SRPRA: variants seen among roughly 807,000 people sequenced by gnomAD.
The protein encoded by SRPRA is SRP receptor subunit alpha, also known as signal recognition particle receptor subunit alpha.
A neutral mutation model predicts 61.1 loss-of-function variants in SRPRA; 30 were observed. The ratio of observed to expected loss-of-function variants is 0.49; its 90% CI spans 0.37 to 0.67. The LOEUF is 0.67. Among genes scored for constraint, SRPRA ranks in the 30% least tolerant of loss-of-function variants. The pLI, the probability that SRPRA is intolerant of heterozygous loss-of-function variation, is 0.00. For synonymous variants in SRPRA, 324 were observed against 299.7 expected, an observed-to-expected ratio of 1.08 and a Z score of -0.84; for missense variants, 759 against 828.4, an observed-to-expected ratio of 0.92 and a Z score of 1.03.
chr11:126,264,450 T>C lies in SRPRA; in HGVS notation c.1615A>G (p.Ile539Val). 1.9e-6 allele frequency: 3 copies of C among 1,614,198 alleles called. No homozygotes were observed. Among genetic ancestry groups the C allele is most frequent in the Non-Finnish European group, 2.5e-6 (3 of 1,180,038 alleles). Residue 539 changes from isoleucine to valine, a missense_variant, in exon 12 of 14, where the codon ATT becomes GTT. By Grantham distance (29) the Ile-to-Val change is conservative. Coordinates refer to ENST00000332118, the MANE Select transcript of SRPRA (RefSeq NM_003139.4). This position sits in a 1 kb window ranked among gnomAD's most constrained non-coding sequence, Gnocchi z 5.0. ...APLMTALAKL[I>V]TVNTPDLVLF... ...ACCAAATCAGGTGTATTGACAGTAATGAGTTTGGCCAGGGCAGTCATCAGA... is the reference window on the plus strand; with the variant it reads ...ACCAAATCAGGTGTATTGACAGTAACGAGTTTGGCCAGGGCAGTCATCAGA...
chr11:126,247,203 G>C, the SRPRA span, among the ~76,000 whole-genome samples: 1 of 152,098 alleles, frequency 6.6e-6, no homozygotes, highest in African/African-American at 2.4e-5. Context: ...GAGGCAGGAA[G>C]ATTGCTTGAG....
chr11:126,263,565 G>C lies in SRPRA; in HGVS notation c.*351C>G, dbSNP rs1950746706. ...ATGCAGCTGGGACTCATTAGGCTCAGACGGCTCTTGACCACACTAATTATT... is the reference window on the plus strand; with the variant it reads ...ATGCAGCTGGGACTCATTAGGCTCACACGGCTCTTGACCACACTAATTATT... On this transcript the variant is annotated 3_prime_UTR_variant, in exon 14 of 14. Transcript: ENST00000332118. The C allele has an allele frequency of 9.4e-6, 2 of 213,478 alleles. No individual in the cohort carries two copies. The highest frequency in any genetic ancestry group is 1.9e-5 in the Non-Finnish European group (2 of 104,704). 13.2% of individuals were successfully genotyped at this position (213,478 alleles called of 1,614,324 possible).
chr11:126,254,872 C>T, the SRPRA span, among the ~76,000 whole-genome samples: 1 of 152,262 alleles, frequency 6.6e-6, no homozygotes, highest in Admixed American at 6.5e-5. Context: ...TCCTGTGCTT[C>T]TTAACTTATG....
chr11:126,242,077 C>T, the SRPRA span, among the ~76,000 whole-genome samples: 1 of 149,588 alleles, frequency 6.7e-6, no homozygotes, highest in Non-Finnish European at 1.5e-5. Context: ...TTCATGGAAT[C>T]TCCATACACT....
the SRPRA span, among the ~76,000 whole-genome samples, chr11:126,237,007 C>T: frequency 6.7e-6 from 1 of 149,822 alleles, no homozygotes; most frequent in Non-Finnish European, 1.5e-5. Flanking sequence ...AGCTCTGCCT[C>T]CCGGGTTCAC....
chr11:126,241,121 C>G, the SRPRA span: 6 of 1,412,866 alleles, frequency 4.2e-6, no homozygotes, highest in African/African-American at 2.9e-5. Flanking sequence ...ATTTGGCTGT[C>G]AAAACTAGCA....
rs1039927894 is a variant in SRPRA at position 126,265,327 on chromosome 11, G to A, written c.1252C>T (p.Pro418Ser). ...DIMDAQRRQR[P>S]YVVTFCGVNG... ...ACGCCGCAGAAGGTGACGACATAAG[G>A]GCGCTGGCGACGCTGGGCATCCATG... Residue 418 changes from proline (P) to serine (S), a missense_variant, in exon 10 of 14, where the codon CCT becomes TCT. Pro to Ser is a moderately conservative substitution (Grantham distance 74, BLOSUM62 -1). Around this residue, in one of 2 missense-constraint regions of SRPRA, gnomAD observed 284 missense variants for 365.9 expected, o/e 0.78. Coordinates refer to ENST00000332118, the MANE Select transcript of SRPRA (RefSeq NM_003139.4). The surrounding 1 kb of genome is among the most constrained non-coding windows in gnomAD (Gnocchi z 6.3). 1.2e-6 allele frequency: 2 copies of A among 1,613,790 alleles called. No individual in the cohort carries two copies. The highest frequency in any genetic ancestry group is 1.7e-6 in the Non-Finnish European group (2 of 1,179,930).
At chr11:126,237,643 T>C in the SRPRA span, among the ~76,000 whole-genome samples, 1 of 131,322 alleles carries the variant, frequency 7.6e-6, no homozygotes, top group East Asian at 2.3e-4. Flanking sequence ...GAGACCATCC[T>C]GGGTACCTGG....
rs1950835330 is a variant in SRPRA at position 126,267,440 on chromosome 11, G to A, written c.366-105C>T. 3.2e-6 allele frequency: 5 copies of A among 1,582,836 alleles called. No individual in the cohort carries two copies. In the Admixed American group the frequency reaches 7.1e-5, roughly 22 times the overall value. On this transcript the variant is annotated intron_variant, in intron 3 of 13. Transcript: ENST00000332118. This position sits in a 1 kb window ranked among gnomAD's most constrained non-coding sequence, Gnocchi z 4.2. The stretch of plus-strand genomic sequence containing the variant: ...CCAAGAGGACAATGAGAACTGGGTA[G>A]CAAATTAGGAATGTCTTTGAACACA...
the SRPRA span, among the ~76,000 whole-genome samples, chr11:126,235,946 C>CT: frequency 2.0e-5 from 3 of 151,384 alleles, no homozygotes; most frequent in African/African-American, 4.9e-5. Flanking sequence ...TAAAGACTGT[C>CT]TTTTTTGTTT....
Position 126,266,070 on chromosome 11 carries a change from C to T in SRPRA, c.944G>A (p.Gly315Glu). 6.2e-7 allele frequency: 1 copy of T among 1,614,164 alleles called. No homozygotes were observed. Among genetic ancestry groups the T allele is most frequent in the East Asian group, 2.2e-5 (1 of 44,884 alleles). Reference protein sequence around the residue: ...QNSTKPSATKGTLGGMFGMLK... With the variant: ...QNSTKPSATKETLGGMFGMLK... ...CATACCAAACATGCCACCCAGTGTT[C>T]CCTTGGTCGCACTGCAGGGACAGGA... The change falls in exon 8 of 14, where the codon GGA becomes GAA. Residue 315 changes from glycine to glutamate, a missense_variant. By Grantham distance (98) the Gly-to-Glu change is moderately conservative. This residue lies in a region of SRPRA where 475 missense variants were observed against 462.5 expected (regional missense o/e 1.03). Transcript: ENST00000332118.
chr11:126,239,272 G>A, the SRPRA span, among the ~76,000 whole-genome samples: 1 of 152,066 alleles, frequency 6.6e-6, no homozygotes, highest in Non-Finnish European at 1.5e-5. Flanking sequence ...CAAATTGGAA[G>A]TCTTAATTAG....
chr11:126,252,287 C>T, the SRPRA span, among the ~76,000 whole-genome samples: 20 of 152,240 alleles, frequency 1.3e-4, no homozygotes, highest in Middle Eastern at 3.4e-3. This position sits in a 1 kb window ranked among gnomAD's most constrained non-coding sequence, Gnocchi z 4.7. Flanking sequence ...ACACCCAGCA[C>T]AGTTTTTATC....
In SRPRA at chr11:126,265,983, T is replaced by C; in HGVS notation, c.1031A>G (p.Lys344Arg). 1.2e-6 allele frequency: 2 copies of C among 1,614,218 alleles called. No homozygotes were observed. Among genetic ancestry groups the C allele is most frequent in the Non-Finnish European group, 1.7e-6 (2 of 1,180,038 alleles). ...CTTACCAATGAGATGATCACGCATC[T>C]TGTCCAGCACAGATTCCATGTCTTC... ...SREDMESVLD[K>R]MRDHLIAKNV... Residue 344 changes from lysine (K) to arginine (R), a missense_variant, in exon 8 of 14, where the codon AAG becomes AGG. Around this residue, in one of 2 missense-constraint regions of SRPRA, gnomAD observed 475 missense variants for 462.5 expected, o/e 1.03. Coordinates refer to ENST00000332118, the MANE Select transcript of SRPRA (RefSeq NM_003139.4). This position sits in a 1 kb window ranked among gnomAD's most constrained non-coding sequence, Gnocchi z 6.3.
chr11:126,264,936 C>A lies in SRPRA; in HGVS notation c.1525+23G>T, dbSNP rs939542132. 6.2e-7 allele frequency: 1 copy of A among 1,602,684 alleles called. No homozygotes were observed. Among genetic ancestry groups the A allele is most frequent in the Non-Finnish European group, 8.5e-7 (1 of 1,174,452 alleles). On this transcript the variant is annotated intron_variant, in intron 11 of 13. Coordinates refer to ENST00000332118, the MANE Select transcript of SRPRA (RefSeq NM_003139.4). The surrounding 1 kb of genome is among the most constrained non-coding windows in gnomAD (Gnocchi z 5.0). ...GAGAAAAAGGGACCCCAAATAAGCC[C>A]CCACACTTCCCATGCACTGTACCAA...
the SRPRA span, among the ~76,000 whole-genome samples, chr11:126,249,154 C>CTT: frequency 3.9e-5 from 6 of 152,134 alleles, no homozygotes; most frequent in Non-Finnish European, 8.8e-5. Context: ...GGGAGGATCA[C>CTT]TTGAGATCCC....
downstream of SRPRA, among the ~76,000 whole-genome samples, chr11:126,258,747 T>A (rs1238597621): frequency 1.3e-5 from 2 of 152,252 alleles, no homozygotes; most frequent in Non-Finnish European, 2.9e-5. Context: ...GTTCTACATA[T>A]TTCTTTTGAT....
At chr11:126,243,418 C>T in the SRPRA span, among the ~76,000 whole-genome samples, 2 of 150,656 alleles carry the variant, frequency 1.3e-5, no homozygotes, top group Non-Finnish European at 2.9e-5. Flanking sequence ...GAGCTGTGAT[C>T]GTGCTACTGC....
chr11:126,244,530 G>A, the SRPRA span, among the ~76,000 whole-genome samples: 35 of 152,344 alleles, frequency 2.3e-4, no homozygotes, highest in African/African-American at 7.5e-4. The surrounding 1 kb of genome is among the most constrained non-coding windows in gnomAD (Gnocchi z 4.5). Context: ...AAGGCTAGGC[G>A]TGGTGGCCCA....
Sources: allele counts gnomAD v4.1 joint callset (sites outside exome capture counted in the v4.1 genomes callset), GRCh38; gene constraint gnomAD v4.1.1; regional missense constraint gnomAD v4.1.1; non-coding constraint Gnocchi (gnomAD v3.1); transcripts MANE v1.5; gene names NCBI Gene and HGNC (gene_info 2026-07-23, HGNC 2026-07-21).